The following TTC39C variants were observed in gnomAD, a reference collection of about 807,000 sequenced individuals.
TTC39C encodes tetratricopeptide repeat domain 39C, also known as tetratricopeptide repeat protein 39C.
Under a neutral mutation model 76.3 loss-of-function variants are expected in TTC39C, and 33 were observed. That is an observed-to-expected ratio of 0.43 (90% CI 0.33 to 0.58). TTC39C has a LOEUF of 0.58. Ranked by LOEUF, TTC39C falls within the 20% of genes least tolerant of loss-of-function variation. The pLI is 0.04. For missense variants in TTC39C, 595 were observed against 701.4 expected (o/e 0.85, Z 1.71); for synonymous variants, 254 against 260.6 (o/e 0.97, Z 0.24).
rs1265529008 is a variant in TTC39C, at chr18:24,083,126, CA to C, written c.984+48del. 3 of 1,539,474 alleles carry C rather than the reference CA, an allele frequency of 1.9e-6. No individual in the cohort carries two copies. In the African/African-American group the frequency reaches 4.1e-5, roughly 21 times the overall value. ...TTTTTAAAATAAAGCCTCCGATGAT[CA>C]AATCTCTGATTCTCACTTGAGGACT... On this transcript the variant is annotated intron_variant, in intron 6 of 13. Coordinates refer to ENST00000317571, the MANE Select transcript of TTC39C (RefSeq NM_001135993.2).
At chr18:24,104,688 TTGTG>T (rs10661950) in intron 6 of TTC39C, among the ~76,000 whole-genome samples, 122 of 144,836 alleles carry the variant, frequency 8.4e-4, no homozygotes, top group East Asian at 2.5e-3. Context: ...AGCAGGGTGT[TTGTG>T]TGTGTGTGTG....
rs560498838 is a variant in TTC39C, at chr18:24,022,878, A to G, written c.167+7840A>G. ...TCTTGCTCTTCCAGACACGGCTCAG[A>G]TTTTTAGCAAAAGGTTGTATGACTC... On this transcript the variant is annotated intron_variant, in intron 1 of 13. Coordinates refer to ENST00000317571, the MANE Select transcript of TTC39C (RefSeq NM_001135993.2). 3.7e-5 allele frequency: 36 copies of G among 985,314 alleles called. No individual in the cohort carries two copies. In the South Asian group the frequency reaches 1.0e-3, roughly 28 times the overall value. The allele number at this position is 985,314 out of a possible 1,614,324, so 61.0% of individuals were successfully genotyped here. A position where few individuals can be genotyped will look rare whatever the true frequency, so the allele number is the denominator to read the frequency against.
intron 1 of TTC39C, chr18:24,006,303 C>T (rs2083351889): frequency 6.6e-6 from 1 of 152,046 alleles, no homozygotes; most frequent in Non-Finnish European, 1.5e-5. Context: ...CATGCTCAGC[C>T]CAAATTTTTA....
chr18:24,015,047 C>T lies in TTC39C; in HGVS notation c.167+9C>T. 6 of 1,425,564 alleles carry T rather than the reference C, an allele frequency of 4.2e-6. No individual in the cohort carries two copies. Among genetic ancestry groups the T allele is most frequent in the Non-Finnish European group, 5.5e-6 (6 of 1,081,748 alleles). The allele number at this position is 1,425,564 out of a possible 1,614,324, so 88.3% of individuals were successfully genotyped here. On this transcript the variant is annotated intron_variant, in intron 1 of 13. Coordinates refer to ENST00000317571, the MANE Select transcript of TTC39C (RefSeq NM_001135993.2). ...CTTTTCAAACAATACAGGTGACCCACGCGTCCCCGATTCCCCAACCCTGCA... is the reference window on the plus strand; with the variant it reads ...CTTTTCAAACAATACAGGTGACCCATGCGTCCCCGATTCCCCAACCCTGCA...
At chr18:24,001,919 G>A (rs1234005179) in intron 1 of TTC39C, among the ~76,000 whole-genome samples, 2 of 142,682 alleles carry the variant, frequency 1.4e-5, no homozygotes, top group East Asian at 2.3e-4. Context: ...TCCGCCTCCC[G>A]GGTTCACGCC....
At chr18:24,132,235 A>G (rs545904973) in intron 13 of TTC39C, among the ~76,000 whole-genome samples, 3 of 152,378 alleles carry the variant, frequency 2.0e-5, no homozygotes, top group Non-Finnish European at 2.9e-5. Context: ...GCACAACATA[A>G]GACTACTTTT....
intron 6 of TTC39C, among the ~76,000 whole-genome samples, chr18:24,089,676 C>T (rs1178310975): frequency 2.0e-5 from 3 of 152,148 alleles, no homozygotes; most frequent in Admixed American, 2.0e-4. Flanking sequence ...TGATTTATAT[C>T]CCTAAGCTTA....
intron 6 of TTC39C, among the ~76,000 whole-genome samples, chr18:24,097,559 T>A (rs1188714629): frequency 6.6e-6 from 1 of 152,222 alleles, no homozygotes; most frequent in Non-Finnish European, 1.5e-5. Flanking sequence ...CCAATTGAGA[T>A]GTCTATGGTG....
At position 24,106,270 on chromosome 18, in the gene TTC39C, C is replaced by T. The variant is rs1172645881; in HGVS notation, c.985-8284C>T. ...GTTTCTCTCCCTTTTTATGCAGATG[C>T]CATTGGTGCCCTAGCTGCCTCCAAG... On this transcript the variant is annotated intron_variant, in intron 6 of 13. Transcript: ENST00000317571. Among the ~76,000 whole-genome samples, 3 of 152,204 alleles carry T rather than the reference C, an allele frequency of 2.0e-5. No homozygotes were observed. In the East Asian group the frequency reaches 5.8e-4, roughly 29 times the overall value.
At chr18:24,047,892 A>G (rs2083905235) in intron 1 of TTC39C, among the ~76,000 whole-genome samples, 2 of 152,244 alleles carry the variant, frequency 1.3e-5, no homozygotes, top group South Asian at 4.1e-4. Context: ...GTATGCCTGT[A>G]TCGAAACATT....
chr18:24,084,379 G>T (rs922909009), intron 6 of TTC39C, among the ~76,000 whole-genome samples: 2 of 152,002 alleles, frequency 1.3e-5, no homozygotes, highest in African/African-American at 4.8e-5. Context: ...CAGCTACTTG[G>T]GAGGCTGAGA....
chr18:24,054,082 G>A (rs980452850), intron 1 of TTC39C, among the ~76,000 whole-genome samples: 13 of 152,068 alleles, frequency 8.5e-5, no homozygotes, highest in African/African-American at 2.2e-4. Context: ...CAAATCACTC[G>A]CATTTGTTTT....
intron 6 of TTC39C, among the ~76,000 whole-genome samples, chr18:24,089,906 C>T (rs2084496547): frequency 6.6e-6 from 1 of 152,094 alleles, no homozygotes; most frequent in African/African-American, 2.4e-5. Flanking sequence ...TTTCAAAACA[C>T]ATACATAATT....
chr18:24,030,076 C>T (rs1270124231), intron 1 of TTC39C, among the ~76,000 whole-genome samples: 1 of 152,036 alleles, frequency 6.6e-6, no homozygotes, highest in African/African-American at 2.4e-5. Context: ...TAAGGAATCG[C>T]CGTACTGTTT....
intron 1 of TTC39C, among the ~76,000 whole-genome samples, chr18:24,048,229 C>T (rs1026299640): frequency 3.4e-4 from 51 of 152,218 alleles, no homozygotes; most frequent in African/African-American, 1.2e-3. Flanking sequence ...ACTAATAAAC[C>T]AGCGAATTTG....
chr18:24,064,878 C>T (rs113004640), intron 2 of TTC39C, among the ~76,000 whole-genome samples: 5 of 152,018 alleles, frequency 3.3e-5, no homozygotes, highest in Non-Finnish European at 7.3e-5. Flanking sequence ...ACAGGTACCA[C>T]GCCAGCTTCC....
chr18:24,028,911 C>T (rs1197220123), intron 1 of TTC39C, among the ~76,000 whole-genome samples: 3 of 151,680 alleles, frequency 2.0e-5, no homozygotes, highest in Non-Finnish European at 2.9e-5. Flanking sequence ...TTAGTAGAGA[C>T]GGGGTTTCAC....
intron 8 of TTC39C, among the ~76,000 whole-genome samples, chr18:24,121,956 A>T (rs1473188492): frequency 1.3e-5 from 2 of 152,180 alleles, no homozygotes; most frequent in Non-Finnish European, 1.5e-5. Context: ...ACACTCCTCC[A>T]TCTGGACCAG....
intron 1 of TTC39C, among the ~76,000 whole-genome samples, chr18:24,041,623 G>T (rs539864924): frequency 2.0e-5 from 3 of 152,152 alleles, no homozygotes; most frequent in South Asian, 2.1e-4. Context: ...CCTCTTATCT[G>T]TTGCCCTGAT....
Sources: allele counts gnomAD v4.1 joint callset (sites outside exome capture counted in the v4.1 genomes callset), GRCh38; gene constraint gnomAD v4.1.1; transcripts MANE v1.5; gene names NCBI Gene and HGNC (gene_info 2026-07-23, HGNC 2026-07-21).